Variants in HMGB1 observed in about 807,000 individuals in gnomAD.
The protein encoded by HMGB1 is high mobility group box 1.
For missense variants in HMGB1, 79 were observed against 253.5 expected (o/e 0.31, Z 4.67); for synonymous variants, 81 against 84.0 (o/e 0.96, Z 0.19).
Position 30,459,106 on chromosome 13 carries a change from C to T in HMGB1, c.*2251G>A, listed in dbSNP as rs151315284. On this transcript the variant is annotated 3_prime_UTR_variant, in exon 5 of 5. Transcript: ENST00000341423. ...GTCTTTAAACCCCACAGCACTGTAACTATCTTGGCATTAAAATAGTTTCTA... is the reference window on the plus strand; with the variant it reads ...GTCTTTAAACCCCACAGCACTGTAATTATCTTGGCATTAAAATAGTTTCTA... The T allele has an allele frequency of 3.3e-5, 5 of 152,264 alleles. No individual in the cohort carries two copies. Among genetic ancestry groups the T allele is most frequent in the Non-Finnish European group, 5.9e-5 (4 of 68,016 alleles). The allele number at this position is 152,264 out of a possible 1,614,324, so 9.4% of individuals were successfully genotyped here.
At chr13:30,615,368 A>G (rs898533967) in intron 1 of HMGB1, among the ~76,000 whole-genome samples, 3 of 152,242 alleles carry the variant, frequency 2.0e-5, no homozygotes, top group African/African-American at 7.2e-5. Flanking sequence ...TAAGAATTTC[A>G]TACAATTTTT....
At chr13:30,541,374 G>C (rs1218245890) in intron 1 of HMGB1, among the ~76,000 whole-genome samples, 1 of 152,182 alleles carries the variant, frequency 6.6e-6, no homozygotes, top group Non-Finnish European at 1.5e-5. Flanking sequence ...GGAAGTCTTA[G>C]CATTGATAAA....
At chr13:30,469,953 T>G (rs1440186985), upstream of HMGB1, among the ~76,000 whole-genome samples, 1 of 151,896 alleles carries the variant, frequency 6.6e-6, no homozygotes. Context: ...TTTATTTTTA[T>G]TTTTTGTAGA....
intron 1 of HMGB1, among the ~76,000 whole-genome samples, chr13:30,485,685 T>C (rs1887349945): frequency 6.6e-6 from 1 of 152,190 alleles, no homozygotes; most frequent in South Asian, 2.1e-4. Flanking sequence ...AGATAAGTCA[T>C]GAAAAGCACA....
intron 1 of HMGB1, among the ~76,000 whole-genome samples, chr13:30,489,934 C>T (rs1258665606): frequency 6.7e-6 from 1 of 149,542 alleles, no homozygotes; most frequent in African/African-American, 2.5e-5. Context: ...GGGGTTTCAC[C>T]GTGTTGGCCT....
rs186547983 is a variant in HMGB1, at chr13:30,476,520, A to G, written c.-14-12826T>C. Among the ~76,000 whole-genome samples, 3 of 152,342 alleles carry G rather than the reference A, an allele frequency of 2.0e-5. No homozygotes were observed. In the East Asian group the frequency reaches 5.8e-4, roughly 29 times the overall value. ...TATGGCCCAGACAAAAGACTAGACA[A>G]CAAGCTTTATTTAGCATGTGTCTCC... On this transcript the variant is annotated intron_variant, in intron 1 of 4. Coordinates refer to the HMGB1 transcript ENST00000405805.
chr13:30,485,493 C>A (rs533141172), intron 1 of HMGB1, among the ~76,000 whole-genome samples: 7 of 151,890 alleles, frequency 4.6e-5, no homozygotes, highest in African/African-American at 1.7e-4. Flanking sequence ...CCGGAAAACA[C>A]GGAAAACACC....
rs1389301433 is a variant in HMGB1, at chr13:30,460,113, ATG to A, written c.*1242_*1243del. 6.6e-6 allele frequency: 1 copy of A among 152,582 alleles called. No individual in the cohort carries two copies. The highest frequency in any genetic ancestry group is 1.5e-5 in the Non-Finnish European group (1 of 67,990). 9.5% of individuals were successfully genotyped at this position (152,582 alleles called of 1,614,324 possible). On this transcript the variant is annotated 3_prime_UTR_variant, in exon 5 of 5. Coordinates refer to ENST00000341423, the MANE Select transcript of HMGB1 (RefSeq NM_002128.7). ...CTAAGCAGATAAACATGACTAATGAATGAGTTTGTTTTGTAAAGAAAAATCAT... is the reference window on the plus strand; with the variant it reads ...CTAAGCAGATAAACATGACTAATGAAAGTTTGTTTTGTAAAGAAAAATCAT...
At chr13:30,463,767 G>A in intron 1 of HMGB1, 73 bp from the exon 2 acceptor site, 1 of 976,502 alleles carries the variant, frequency 1.0e-6, no homozygotes, top group African/African-American at 1.7e-5. Context: ...ACTTAGTAAG[G>A]GAATGAAAAC....
At chr13:30,483,914 G>T (rs1012369898) in intron 1 of HMGB1, among the ~76,000 whole-genome samples, 1 of 152,072 alleles carries the variant, frequency 6.6e-6, no homozygotes, top group Non-Finnish European at 1.5e-5. Flanking sequence ...GCACCCAGCC[G>T]AATGTTCAGC....
At position 30,616,490 on chromosome 13, in the gene HMGB1, TG is replaced by T. The variant is rs141508028; in HGVS notation, c.-15+180del. Among the ~76,000 whole-genome samples, 1,488 of 152,306 alleles carry T rather than the reference TG, an allele frequency of 9.8e-3. 30 individuals are homozygous for T. The highest frequency in any genetic ancestry group is 0.034 in the African/African-American group (1,416 of 41,552). The stretch of plus-strand genomic sequence containing the variant: ...CAAATAGTGTATTCCATTCTAAAAA[TG>T]GAAGTAGCAGTGGTGAACAAGAAAA... On this transcript the variant is annotated intron_variant, in intron 1 of 4. Transcript: ENST00000405805.
chr13:30,558,775 C>G (rs144492781), intron 1 of HMGB1, among the ~76,000 whole-genome samples: 1 of 152,198 alleles, frequency 6.6e-6, no homozygotes, highest in Non-Finnish European at 1.5e-5. Context: ...CAATAGTTTT[C>G]AAGTGTGATC....
intron 1 of HMGB1, among the ~76,000 whole-genome samples, chr13:30,479,137 T>C (rs79293408): frequency 0.017 from 2,604 of 152,314 alleles, 55 homozygotes; most frequent in African/African-American, 0.053. Flanking sequence ...AATATGCACA[T>C]TTATCATAGC....
At chr13:30,587,778 A>G (rs944232466) in intron 1 of HMGB1, among the ~76,000 whole-genome samples, 2 of 152,222 alleles carry the variant, frequency 1.3e-5, no homozygotes, top group Non-Finnish European at 2.9e-5. Context: ...CATTATCAAC[A>G]ACAACATGAT....
intron 1 of HMGB1, among the ~76,000 whole-genome samples, chr13:30,607,564 T>C (rs1472613040): frequency 6.6e-6 from 1 of 152,208 alleles, no homozygotes; most frequent in Non-Finnish European, 1.5e-5. Context: ...TCTTTGTAAA[T>C]TACCCAGTCT....
chr13:30,503,298 C>T (rs571330150), intron 1 of HMGB1, among the ~76,000 whole-genome samples: 8 of 151,650 alleles, frequency 5.3e-5, no homozygotes, highest in Admixed American at 2.0e-4. Flanking sequence ...GAGCCGAGAT[C>T]GCGCCACTGC....
chr13:30,591,439 A>C (rs539648955), intron 1 of HMGB1, among the ~76,000 whole-genome samples: 1 of 152,286 alleles, frequency 6.6e-6, no homozygotes, highest in African/African-American at 2.4e-5. Flanking sequence ...ATTTTATATA[A>C]TATATTGTGC....
chr13:30,460,818 T>TG lies in HMGB1; in HGVS notation c.*538_*539insC, dbSNP rs1886275837. 6.5e-6 allele frequency: 1 copy of TG among 153,048 alleles called. No homozygotes were observed. The highest frequency in any genetic ancestry group is 1.9e-4 in the East Asian group (1 of 5,204). 9.5% of individuals were successfully genotyped at this position (153,048 alleles called of 1,614,324 possible). A position where few individuals can be genotyped will look rare whatever the true frequency, so the allele number is the denominator to read the frequency against. The stretch of plus-strand genomic sequence containing the variant: ...ATAAACACTGTAATAATTCATGTGA[T>TG]TCAAAATGGGCAAAAGCAAAAGACT... On this transcript the variant is annotated 3_prime_UTR_variant, in exon 5 of 5. Coordinates refer to ENST00000341423, the MANE Select transcript of HMGB1 (RefSeq NM_002128.7).
At chr13:30,537,874 G>A in intron 1 of HMGB1, among the ~76,000 whole-genome samples, 1 of 151,854 alleles carries the variant, frequency 6.6e-6, no homozygotes, top group Non-Finnish European at 1.5e-5. Flanking sequence ...TCAGTTTGGT[G>A]AAAATTGCTG....
Sources: allele counts gnomAD v4.1 joint callset (sites outside exome capture counted in the v4.1 genomes callset), GRCh38; gene constraint gnomAD v4.1.1; transcripts MANE v1.5; gene names NCBI Gene and HGNC (gene_info 2026-07-23, HGNC 2026-07-21).